The following ZNF160 variants were observed in gnomAD, a reference collection of about 807,000 sequenced individuals.
ZNF160 encodes KRAB zinc finger protein KR18.
ZNF160 carries 9 observed loss-of-function variants against 13.1 expected under a neutral mutation model. That is an observed-to-expected ratio of 0.69 (90% CI 0.41 to 1.20). ZNF160 has a LOEUF of 1.20. ZNF160 is among the 50% of genes most tolerant of loss of function. ZNF160 has a pLI of 0.01. For missense variants in ZNF160, 838 were observed against 988.0 expected, an observed-to-expected ratio of 0.85 and a Z score of 2.04; for synonymous variants, 293 against 333.2, an observed-to-expected ratio of 0.88 and a Z score of 1.31.
At chr19:53,102,196 T>G (rs1450575541) in intron 1 of ZNF160, among the ~76,000 whole-genome samples, 1 of 152,184 alleles carries the variant, frequency 6.6e-6, no homozygotes. Flanking sequence ...TTCCAATCTT[T>G]TCATCGTCCC....
chr19:53,077,980 G>A (rs894729842), intron 3 of ZNF160, among the ~76,000 whole-genome samples: 2 of 151,974 alleles, frequency 1.3e-5, no homozygotes, highest in African/African-American at 2.4e-5. Flanking sequence ...GATGGCTCAC[G>A]CCTGTAATCC....
In ZNF160 at chr19:53,074,980, C is replaced by T. The variant is rs962108694; in HGVS notation, c.142+77G>A. ...CAATCTCAGTCAAGCAATGCAGGGGCTCTCCAGGGACTCGTAAGGGAAAAT... is the reference window on the plus strand; with the variant it reads ...CAATCTCAGTCAAGCAATGCAGGGGTTCTCCAGGGACTCGTAAGGGAAAAT... On this transcript the variant is annotated intron_variant, in intron 4 of 5. Coordinates refer to ENST00000683776, the MANE Select transcript of ZNF160 (RefSeq NM_001322131.2). The T allele has an allele frequency of 3.8e-5, 61 of 1,596,832 alleles. No homozygotes were observed. In the African/African-American group the frequency reaches 7.1e-4, roughly 19 times the overall value.
chr19:53,073,957 T>G (rs1406764476), intron 5 of ZNF160, among the ~76,000 whole-genome samples, 183 bp downstream of exon 5: 1 of 152,018 alleles, frequency 6.6e-6, no homozygotes, highest in African/African-American at 2.4e-5. Flanking sequence ...GGCTAATTTT[T>G]TTTTGTATTT....
chr19:53,080,884 T>A (rs986475163), intron 3 of ZNF160, among the ~76,000 whole-genome samples: 3 of 152,090 alleles, frequency 2.0e-5, no homozygotes, highest in Admixed American at 1.3e-4. Flanking sequence ...CATATACCAA[T>A]GGAATAGAAC....
chr19:53,084,479 G>C (rs1600864988), intron 3 of ZNF160, among the ~76,000 whole-genome samples: 1 of 152,188 alleles, frequency 6.6e-6, no homozygotes, highest in Non-Finnish European at 1.5e-5. Flanking sequence ...GTCAGTGACA[G>C]AGCCGCCGTG....
At chr19:53,094,612 A>C (rs570492691) in intron 1 of ZNF160, among the ~76,000 whole-genome samples, 10 of 152,308 alleles carry the variant, frequency 6.6e-5, no homozygotes, top group African/African-American at 2.4e-4. Context: ...TCAATGTAAG[A>C]GTAAAAAAAC....
rs367636796 is a variant in ZNF160, at chr19:53,090,753, G to T, written c.-46+660C>A. 2.2e-3 allele frequency among the ~76,000 whole-genome samples: 331 copies of T among 152,314 alleles called. 3 individuals carry two copies. Among genetic ancestry groups the T allele is most frequent in the African/African-American group, 7.6e-3 (316 of 41,578 alleles). On this transcript the variant is annotated intron_variant, in intron 2 of 5. Transcript: ENST00000683776. ...GGATCTGTGGAATCCCAGGACCAGG[G>T]CGAGGACTCTCTTGCACCGGAGCTG...
chr19:53,068,136 G>T lies in ZNF160; in HGVS notation c.2398C>A (p.Gln800Lys), dbSNP rs776333075. The T allele has an allele frequency of 1.8e-5, 29 of 1,613,744 alleles. No individual in the cohort carries two copies. Among genetic ancestry groups the T allele is most frequent in the Middle Eastern group, 3.3e-4 (2 of 6,070 alleles). Residue 800 changes from glutamine to lysine, a missense_variant, in exon 6 of 6, where the codon CAG (glutamine) becomes AAG (lysine). This residue lies in a region of ZNF160 where 51 missense variants were observed against 46.9 expected (regional missense o/e 1.09). Transcript: ENST00000683776. ...TGATGACTTGCAAGATTTGAACTCT[G>T]CCTGAAGACCTTGCCACACTCATTA... ...KCNECGKVFR[Q>K]SSNLASHHRM...
At chr19:53,100,617 AAATTAGTT>A (rs1333698615) in intron 1 of ZNF160, among the ~76,000 whole-genome samples, 1 of 152,062 alleles carries the variant, frequency 6.6e-6, no homozygotes, top group Non-Finnish European at 1.5e-5. Flanking sequence ...CTCCAAAAAA[AAATTAGTT>A]AATAGGTTCT....
Position 53,069,075 on chromosome 19 carries a change from T to A in ZNF160, c.1459A>T (p.Ser487Cys), listed in dbSNP as rs375787993. The A allele has an allele frequency of 7.4e-6, 12 of 1,614,002 alleles. No individual in the cohort carries two copies. The highest frequency in any genetic ancestry group is 1.7e-5 in the Admixed American group (1 of 59,996). Residue 487 changes from serine (S) to cysteine (C), a missense_variant, in exon 6 of 6, where the codon AGC becomes TGC. Coordinates refer to ENST00000683776, the MANE Select transcript of ZNF160 (RefSeq NM_001322131.2). This position sits in a 1 kb window ranked among gnomAD's most constrained non-coding sequence, Gnocchi z 4.4. ...TGTGAATTTTGAGTGAAAACCTTGCTGCATTCATTGCATTTGAAAGGTTTT... is the reference window on the plus strand; with the variant it reads ...TGTGAATTTTGAGTGAAAACCTTGCAGCATTCATTGCATTTGAAAGGTTTT... ...GTKPFKCNEC[S>C]KVFTQNSQLA...
At chr19:53,098,895 C>T (rs1459053153) in intron 1 of ZNF160, among the ~76,000 whole-genome samples, 1 of 150,778 alleles carries the variant, frequency 6.6e-6, no homozygotes, top group Non-Finnish European at 1.5e-5. Context: ...CTCAGTGAGG[C>T]CTTCTGCTCT....
At chr19:53,074,337 A>G in intron 4 of ZNF160, 69 bp from the exon 5 acceptor site, 2 of 1,587,456 alleles carry the variant, frequency 1.3e-6, no homozygotes, top group Non-Finnish European at 1.7e-6. Context: ...TGTTTACATG[A>G]GAGGACATTA....
Position 53,067,994 on chromosome 19 carries a change from G to A in ZNF160, c.*83C>T. The A allele has an allele frequency of 2.0e-6, 3 of 1,514,834 alleles. No individual in the cohort carries two copies. The highest frequency in any genetic ancestry group is 2.7e-6 in the Non-Finnish European group (3 of 1,129,660). The allele number at this position is 1,514,834 out of a possible 1,614,324, so 93.8% of individuals were successfully genotyped here. Reference sequence around the variant, plus strand: ...TTCAACTCATGAGGGATTGGCCACTGTCACTACATTTGTAAGGATTCTGTC... The same window carrying A: ...TTCAACTCATGAGGGATTGGCCACTATCACTACATTTGTAAGGATTCTGTC... On this transcript the variant is annotated 3_prime_UTR_variant, in exon 6 of 6. Coordinates refer to ENST00000683776, the MANE Select transcript of ZNF160 (RefSeq NM_001322131.2).
chr19:53,077,160 G>C (rs557908263), intron 3 of ZNF160: 2 of 152,330 alleles, frequency 1.3e-5, no homozygotes, highest in South Asian at 2.1e-4. Context: ...CGGAACAGCC[G>C]GCAGACAACA....
chr19:53,095,560 G>A (rs2085202253), intron 1 of ZNF160: 1 of 152,114 alleles, frequency 6.6e-6, no homozygotes, highest in South Asian at 2.1e-4. Context: ...TTTGGAGACT[G>A]GATTGCTCTT....
chr19:53,099,637 T>C (rs527591754), intron 1 of ZNF160, among the ~76,000 whole-genome samples: 2 of 152,332 alleles, frequency 1.3e-5, no homozygotes, highest in East Asian at 3.9e-4. Context: ...TTTGGTTTTG[T>C]TTTGTTTTAA....
chr19:53,102,983 CG>C (rs973332628), intron 1 of ZNF160, among the ~76,000 whole-genome samples: 4 of 152,092 alleles, frequency 2.6e-5, no homozygotes, highest in Non-Finnish European at 5.9e-5. Context: ...GGCGGAGGCG[CG>C]GCCTCCCCGG....
chr19:53,096,728 AG>A (rs1399567637), intron 1 of ZNF160, among the ~76,000 whole-genome samples: 2 of 127,286 alleles, frequency 1.6e-5, no homozygotes, highest in African/African-American at 5.9e-5. Context: ...GACCTGAGGG[AG>A]GGGAGAAAGG....
At chr19:53,097,970 T>C (rs2085298652) in intron 1 of ZNF160, among the ~76,000 whole-genome samples, 1 of 152,310 alleles carries the variant, frequency 6.6e-6, no homozygotes, top group African/African-American at 2.4e-5. Context: ...TGGTTCTAAG[T>C]ACACTTCGGG....
Sources: allele counts gnomAD v4.1 joint callset (sites outside exome capture counted in the v4.1 genomes callset), GRCh38; gene constraint gnomAD v4.1.1; regional missense constraint gnomAD v4.1.1; non-coding constraint Gnocchi (gnomAD v3.1); transcripts MANE v1.5; gene names NCBI Gene and HGNC (gene_info 2026-07-23, HGNC 2026-07-21).